RHBDD1: variants seen among roughly 807,000 people sequenced by gnomAD.
The protein encoded by RHBDD1 is rhomboid domain containing 1, also known as rhomboid-related protein 4.
In RHBDD1, 38 loss-of-function variants were observed where a neutral mutation model predicts 36.3. The observed-to-expected ratio is 1.05, with a 90% CI of 0.81 to 1.37. The LOEUF (loss-of-function observed/expected upper bound fraction) is 1.37. RHBDD1 is among the 40% of genes most tolerant of loss of function. The pLI, the probability that RHBDD1 is intolerant of heterozygous loss-of-function variation, is 0.00. For synonymous variants in RHBDD1, 151 were observed against 136.5 expected, an observed-to-expected ratio of 1.11 and a Z score of -0.74; for missense variants, 393 against 377.6, an observed-to-expected ratio of 1.04 and a Z score of -0.34.
intron 3 of RHBDD1, among the ~76,000 whole-genome samples, chr2:226,841,430 C>T (rs927614916): frequency 3.9e-5 from 6 of 152,166 alleles, no homozygotes; most frequent in Non-Finnish European, 7.4e-5. Context: ...GCCCCACATC[C>T]ATTAGCTATT....
intron 3 of RHBDD1, among the ~76,000 whole-genome samples, chr2:226,864,044 G>A (rs186834647): frequency 2.9e-3 from 441 of 152,266 alleles, no homozygotes; most frequent in Non-Finnish European, 4.4e-3. Context: ...GGCTTGTAGA[G>A]TAGGTAACGA....
chr2:226,843,903 C>T (rs575611164), intron 3 of RHBDD1, among the ~76,000 whole-genome samples: 29 of 152,220 alleles, frequency 1.9e-4, no homozygotes, highest in Non-Finnish European at 3.5e-4. Context: ...CCATCTGGTC[C>T]TGGGCTTTTT....
At chr2:226,847,232 T>C (rs1185754493) in intron 3 of RHBDD1, among the ~76,000 whole-genome samples, 12 of 152,242 alleles carry the variant, frequency 7.9e-5, no homozygotes, top group Admixed American at 7.2e-4. Flanking sequence ...ACAAGCATTA[T>C]AGTGGAGCAG....
chr2:226,857,981 A>G (rs900612981), intron 3 of RHBDD1, among the ~76,000 whole-genome samples: 3 of 152,170 alleles, frequency 2.0e-5, no homozygotes, highest in Non-Finnish European at 2.9e-5. Flanking sequence ...CTAGTGTTCC[A>G]TTATTGGAAT....
intron 5 of RHBDD1, among the ~76,000 whole-genome samples, chr2:226,889,485 A>G (rs1946508276): frequency 6.6e-6 from 1 of 152,320 alleles, no homozygotes; most frequent in Non-Finnish European, 1.5e-5. Flanking sequence ...ATAATAAAGG[A>G]GATTAAAACT....
upstream of RHBDD1, among the ~76,000 whole-genome samples, chr2:226,833,990 G>A (rs1940807822): frequency 6.6e-6 from 1 of 152,170 alleles, no homozygotes; most frequent in African/African-American, 2.4e-5. Context: ...TCTGTTAAAT[G>A]TCTTTTACCC....
At chr2:226,806,841 A>G in the RHBDD1 span, among the ~76,000 whole-genome samples, 1 of 152,210 alleles carries the variant, frequency 6.6e-6, no homozygotes, top group African/African-American at 2.4e-5. Flanking sequence ...AACTTTCTAT[A>G]TGAATATTTC....
chr2:226,961,649 G>T (rs1391082924), intron 8 of RHBDD1, among the ~76,000 whole-genome samples: 1 of 152,020 alleles, frequency 6.6e-6, no homozygotes, highest in African/African-American at 2.4e-5. Context: ...AGCCCTAACT[G>T]ACCCCAGAGC....
intron 3 of RHBDD1, among the ~76,000 whole-genome samples, chr2:226,842,659 A>G (rs889183774): frequency 3.3e-5 from 5 of 152,196 alleles, no homozygotes; most frequent in Admixed American, 2.0e-4. Context: ...CTGTTCTTGT[A>G]CCAGTACCAT....
rs181311499 is a variant in RHBDD1 at position 226,863,691 on chromosome 2, G to C, written c.-90-913G>C. On this transcript the variant is annotated intron_variant, in intron 3 of 8. Transcript: ENST00000392062. Reference sequence around the variant, plus strand: ...GGCCTAAAGTTTTCACATGTTGTTTGAGAGGGTTTCAAGAGAGAGAAGCCT... The same window carrying C: ...GGCCTAAAGTTTTCACATGTTGTTTCAGAGGGTTTCAAGAGAGAGAAGCCT... 7.2e-5 allele frequency among the ~76,000 whole-genome samples: 11 copies of C among 152,322 alleles called. No individual in the cohort carries two copies. The East Asian group carries it at 2.1e-3, about 29-fold the overall frequency.
intron 5 of RHBDD1, among the ~76,000 whole-genome samples, chr2:226,882,430 C>CAAAA (rs58149634): frequency 1.1e-3 from 65 of 56,944 alleles, no homozygotes; most frequent in Middle Eastern, 0.014. Flanking sequence ...GACTTTGCCT[C>CAAAA]AAAAAAAAAA....
intron 8 of RHBDD1, among the ~76,000 whole-genome samples, chr2:226,984,797 A>G (rs1956558916): frequency 6.6e-6 from 1 of 152,088 alleles, no homozygotes; most frequent in African/African-American, 2.4e-5. Flanking sequence ...GAAACCCCCA[A>G]GTCAAACCAA....
At chr2:226,922,872 A>ACAAG (rs368538686) in intron 8 of RHBDD1, among the ~76,000 whole-genome samples, 82 of 152,314 alleles carry the variant, frequency 5.4e-4, no homozygotes, top group African/African-American at 1.8e-3. Flanking sequence ...GCATAAACAA[A>ACAAG]CAAGCAAGCA....
chr2:226,915,012 A>G (rs572195266), intron 8 of RHBDD1, among the ~76,000 whole-genome samples: 15 of 152,284 alleles, frequency 9.9e-5, no homozygotes, highest in African/African-American at 3.6e-4. Context: ...TTTATGTTTC[A>G]TGTACAATGG....
chr2:226,850,313 G>A (rs1942682626), intron 3 of RHBDD1, among the ~76,000 whole-genome samples: 1 of 152,188 alleles, frequency 6.6e-6, no homozygotes, highest in African/African-American at 2.4e-5. Context: ...ACCAGTCGTA[G>A]GAGAGTAATA....
At chr2:226,968,608 C>T (rs1242276463) in intron 8 of RHBDD1, among the ~76,000 whole-genome samples, 1 of 152,194 alleles carries the variant, frequency 6.6e-6, no homozygotes, top group Non-Finnish European at 1.5e-5. Flanking sequence ...GCCCACTTGA[C>T]ACACAAAAAA....
chr2:226,855,243 C>T (rs1466339311), intron 3 of RHBDD1, among the ~76,000 whole-genome samples: 1 of 152,222 alleles, frequency 6.6e-6, no homozygotes, highest in Non-Finnish European at 1.5e-5. Context: ...TATGGTGGCT[C>T]ACACCTGTAA....
At chr2:226,846,387 A>C (rs1942216069) in intron 3 of RHBDD1, among the ~76,000 whole-genome samples, 1 of 152,206 alleles carries the variant, frequency 6.6e-6, no homozygotes, top group Non-Finnish European at 1.5e-5. Context: ...GAAAATTAAA[A>C]GCATTTGGTA....
At chr2:226,923,777 T>C (rs1405667308) in intron 8 of RHBDD1, among the ~76,000 whole-genome samples, 1 of 152,048 alleles carries the variant, frequency 6.6e-6, no homozygotes, top group Non-Finnish European at 1.5e-5. Context: ...TTCTGCTTGG[T>C]CAATTGTGAT....
Sources: gnomAD v4.1 joint callset for allele counts (sites outside exome capture counted in the v4.1 genomes callset) on GRCh38, gnomAD v4.1.1 for gene constraint, MANE v1.5 for transcripts, NCBI Gene and HGNC (gene_info 2026-07-23, HGNC 2026-07-21) for gene names.